The following NLRP14 variants were observed in gnomAD, a reference collection of about 807,000 sequenced individuals.
NLRP14 encodes the protein NACHT, LRR and PYD domains-containing protein 14.
NLRP14 carries 105 observed loss-of-function variants against 94.7 expected under a neutral mutation model. That is an observed-to-expected ratio of 1.11 (90% CI 0.95 to 1.30). The LOEUF (loss-of-function observed/expected upper bound fraction) is 1.30. Among genes scored for constraint, NLRP14 ranks in the 50% most tolerant of loss-of-function variants. The pLI is 0.00. For missense variants in NLRP14, 1,362 were observed against 1,254.1 expected, an observed-to-expected ratio of 1.09 and a Z score of -1.30; for synonymous variants, 508 against 459.9, an observed-to-expected ratio of 1.10 and a Z score of -1.34.
chr11:7,084,673 G>GTA, the NLRP14 span, among the ~76,000 whole-genome samples: 1 of 152,164 alleles, frequency 6.6e-6, no homozygotes, highest in Non-Finnish European at 1.5e-5. Context: ...CTTGACCTAT[G>GTA]TATATCTTCA....
intron 10 of NLRP14, among the ~76,000 whole-genome samples, chr11:7,067,467 G>A (rs1852721534): frequency 6.6e-6 from 1 of 152,136 alleles, no homozygotes; most frequent in Non-Finnish European, 1.5e-5. Context: ...TGTAGCAATT[G>A]TGAATGGGAG....
chr11:7,066,166 C>T (rs2119707050), intron 10 of NLRP14, among the ~76,000 whole-genome samples: 1 of 152,302 alleles, frequency 6.6e-6, no homozygotes, highest in East Asian at 1.9e-4. Flanking sequence ...CTGCAATAAA[C>T]ATACATGTGC....
At chr11:7,045,743 T>C (rs954547960) in intron 4 of NLRP14, among the ~76,000 whole-genome samples, 1 of 151,508 alleles carries the variant, frequency 6.6e-6, no homozygotes, top group African/African-American at 2.4e-5. Flanking sequence ...TTGTATATAT[T>C]ATATTTAATA....
rs759640261 is a variant in NLRP14, at chr11:7,062,483, CTG to C, written c.2957_2958del (p.Cys986Ter). On this transcript the variant is annotated frameshift_variant, in exon 10 of 12. Transcript: ENST00000299481. LOFTEE classifies it high-confidence loss of function. ...TGTGTGATGCTTTGAGATATCCAAACTGTAACATTCAGAGGCTCGGGTGAGTT... is the reference window on the plus strand; with the variant it reads ...TGTGTGATGCTTTGAGATATCCAAACTAACATTCAGAGGCTCGGGTGAGTT... The part of the protein sequence containing the change: ...ILCDALRYPN[C>X]NIQRLGLEYC... 1.9e-6 allele frequency: 3 copies of C among 1,612,974 alleles called. No homozygotes were observed. The highest frequency in any genetic ancestry group is 1.7e-5 in the Admixed American group (1 of 59,902).
Position 7,059,901 on chromosome 11 carries a change from C to T in NLRP14, c.2641C>T (p.Arg881Cys), listed in dbSNP as rs370028917. The T allele has an allele frequency of 1.7e-5, 28 of 1,611,524 alleles. No homozygotes were observed. In the African/African-American group the frequency reaches 1.9e-4, roughly 11 times the overall value. Reference protein sequence around the residue: ...QCTLKSLVLRRCHFTSLSSEY... With the variant: ...QCTLKSLVLRCCHFTSLSSEY... ...ACATTGTCCTTCCTGTAGGCTGAGGCGTTGCCATTTCACTTCACTTAGCAG... is the reference window on the plus strand; with the variant it reads ...ACATTGTCCTTCCTGTAGGCTGAGGTGTTGCCATTTCACTTCACTTAGCAG... The change falls in exon 9 of 12, where the codon CGT becomes TGT. Residue 881 changes from arginine to cysteine, a missense_variant. Coordinates refer to ENST00000299481, the MANE Select transcript of NLRP14 (RefSeq NM_176822.4).
chr11:7,050,773 C>T (rs1004894843), intron 6 of NLRP14, among the ~76,000 whole-genome samples: 22 of 152,298 alleles, frequency 1.4e-4, no homozygotes, highest in African/African-American at 5.3e-4. Context: ...AATTCTCAAA[C>T]ATAGGTTGAG....
At chr11:7,055,493 C>G (rs545170261) in intron 6 of NLRP14, among the ~76,000 whole-genome samples, 2 of 152,222 alleles carry the variant, frequency 1.3e-5, no homozygotes, top group African/African-American at 4.8e-5. Context: ...AAAATACATT[C>G]ACGCAGCATC....
chr11:7,036,576 A>C (rs539242914), intron 1 of NLRP14, among the ~76,000 whole-genome samples: 2 of 152,330 alleles, frequency 1.3e-5, no homozygotes, highest in South Asian at 2.1e-4. Flanking sequence ...AGTTAGGTGC[A>C]TGCGTTAGCT....
At chr11:7,046,535 C>A in intron 4 of NLRP14, 133 bp from the exon 5 acceptor site, 1 of 800,570 alleles carries the variant, frequency 1.2e-6, no homozygotes, top group Non-Finnish European at 2.2e-6. Flanking sequence ...GGACTGTGCC[C>A]ACGGTGGAGC....
chr11:7,051,440 T>C (rs941818452), intron 6 of NLRP14, among the ~76,000 whole-genome samples: 7 of 152,218 alleles, frequency 4.6e-5, no homozygotes, highest in African/African-American at 1.4e-4. Context: ...ATACTCTCTC[T>C]GTAGATGTGG....
intron 6 of NLRP14, among the ~76,000 whole-genome samples, chr11:7,053,408 C>T (rs1172376102): frequency 1.3e-5 from 2 of 150,196 alleles, no homozygotes; most frequent in African/African-American, 2.4e-5. Flanking sequence ...TACAAGCTTC[C>T]GGTTTATAAA....
chr11:7,051,823 A>T (rs1002259854), intron 6 of NLRP14, among the ~76,000 whole-genome samples: 12 of 152,112 alleles, frequency 7.9e-5, no homozygotes, highest in Non-Finnish European at 1.8e-4. Context: ...GGGTTTCACC[A>T]TGTTGGCCAG....
At chr11:7,021,577 A>C (rs575487615) in intron 1 of NLRP14, among the ~76,000 whole-genome samples, 7 of 152,166 alleles carry the variant, frequency 4.6e-5, no homozygotes, top group Non-Finnish European at 7.4e-5. Context: ...GGTGGTAAGC[A>C]AGTTGTTTAA....
At chr11:7,078,406 C>A in the NLRP14 span, among the ~76,000 whole-genome samples, 2 of 123,712 alleles carry the variant, frequency 1.6e-5, no homozygotes, top group African/African-American at 6.1e-5. Context: ...CCACTGCACT[C>A]CAGCCTGGAC....
intron 1 of NLRP14, among the ~76,000 whole-genome samples, chr11:7,025,267 A>C (rs977984921): frequency 6.6e-6 from 1 of 152,162 alleles, no homozygotes; most frequent in African/African-American, 2.4e-5. Flanking sequence ...AAAATTGTTC[A>C]ATAGCAGTAT....
rs1348801995 is a variant in NLRP14 at position 7,045,632 on chromosome 11, C to A, written c.1959-1036C>A. On this transcript the variant is annotated intron_variant, in intron 4 of 11. Coordinates refer to ENST00000299481, the MANE Select transcript of NLRP14 (RefSeq NM_176822.4). ...AATTTAAGACCTCAAGTGATATAGACCATCACTATGAACTGTCATTCATTC... is the reference window on the plus strand; with the variant it reads ...AATTTAAGACCTCAAGTGATATAGAACATCACTATGAACTGTCATTCATTC... Among the ~76,000 whole-genome samples, 3 of 151,938 alleles carry A rather than the reference C, an allele frequency of 2.0e-5. No individual in the cohort carries two copies. In the East Asian group the frequency reaches 5.8e-4, roughly 29 times the overall value.
chr11:7,086,312 C>G, the NLRP14 span, among the ~76,000 whole-genome samples: 13 of 152,138 alleles, frequency 8.5e-5, no homozygotes, highest in Non-Finnish European at 1.8e-4. Flanking sequence ...CGAGATTGAG[C>G]TAGTAATTGA....
At chr11:7,051,469 T>C (rs1050905729) in intron 6 of NLRP14, among the ~76,000 whole-genome samples, 3 of 152,226 alleles carry the variant, frequency 2.0e-5, no homozygotes, top group Non-Finnish European at 2.9e-5. Context: ...GATACATCAG[T>C]AGGACTTTGC....
At chr11:7,087,102 G>A in the NLRP14 span, among the ~76,000 whole-genome samples, 1 of 152,280 alleles carries the variant, frequency 6.6e-6, no homozygotes, top group Admixed American at 6.5e-5. Flanking sequence ...TTCCTGAGGG[G>A]CCTGGATGGA....
Sources: gnomAD v4.1 joint callset for allele counts (sites outside exome capture counted in the v4.1 genomes callset) on GRCh38, gnomAD v4.1.1 for gene constraint, MANE v1.5 for transcripts, NCBI Gene and HGNC (gene_info 2026-07-23, HGNC 2026-07-21) for gene names.